Variants in MYOZ3 observed in about 807,000 individuals in gnomAD.
MYOZ3 encodes the protein myozenin-3.
Under a neutral mutation model 26.5 loss-of-function variants are expected in MYOZ3, and 19 were observed. That is an observed-to-expected ratio of 0.72 (90% CI 0.50 to 1.05). The LOEUF is 1.05. Among genes scored for constraint, MYOZ3 ranks in the 50% least tolerant of loss-of-function variants. The pLI, the probability that MYOZ3 is intolerant of heterozygous loss-of-function variation, is 0.00. For synonymous variants in MYOZ3, 135 were observed against 138.8 expected, an observed-to-expected ratio of 0.97 and a Z score of 0.19; for missense variants, 322 against 337.1, an observed-to-expected ratio of 0.96 and a Z score of 0.35.
chr5:150,676,587 G>A (rs910866335), intron 6 of MYOZ3, 120 bp from the exon 7 acceptor site: 116 of 612,040 alleles, frequency 1.9e-4, no homozygotes, highest in Admixed American at 7.7e-4. Context: ...TTGCTGTATA[G>A]AAGGGAAAAC....
At chr5:150,671,304 G>T in intron 3 of MYOZ3, 1 of 476,058 alleles carries the variant, frequency 2.1e-6, no homozygotes, top group Non-Finnish European at 3.8e-6. Context: ...AGACCCCTCT[G>T]AGGAAGAGAT....
chr5:150,664,393 CATT>C (rs967442799), intron 2 of MYOZ3, among the ~76,000 whole-genome samples: 10 of 152,158 alleles, frequency 6.6e-5, no homozygotes, highest in African/African-American at 2.4e-4. Flanking sequence ...GGAGACACAT[CATT>C]GATACAAGAC....
At chr5:150,675,236 G>A (rs2151449767) in intron 6 of MYOZ3, among the ~76,000 whole-genome samples, 1 of 152,284 alleles carries the variant, frequency 6.6e-6, no homozygotes, top group East Asian at 1.9e-4. Context: ...TTGTGTGTGT[G>A]TGGGGGTGTG....
chr5:150,672,147 A>G (rs1758925964), intron 5 of MYOZ3, 193 bp from the exon 6 acceptor site: 1 of 1,036,032 alleles, frequency 9.7e-7, no homozygotes. Flanking sequence ...TCCTCACTGC[A>G]GTCCTCCGTG....
intron 2 of MYOZ3, among the ~76,000 whole-genome samples, chr5:150,668,488 C>T (rs185192287): frequency 1.9e-4 from 29 of 152,272 alleles, no homozygotes; most frequent in Non-Finnish European, 3.1e-4. Flanking sequence ...TCCTCCTCAC[C>T]GCCTCACTGT....
chr5:150,667,243 C>T (rs903438250), intron 2 of MYOZ3, among the ~76,000 whole-genome samples: 2 of 152,174 alleles, frequency 1.3e-5, no homozygotes, highest in Admixed American at 6.6e-5. Context: ...CTAGTTCATT[C>T]ACTATCTCAT....
chr5:150,672,720 T>C (rs1015401407), intron 6 of MYOZ3: 2 of 549,590 alleles, frequency 3.6e-6, no homozygotes, highest in Non-Finnish European at 6.3e-6. Context: ...GCCGCACATC[T>C]TGGATATTCT....
intron 2 of MYOZ3, among the ~76,000 whole-genome samples, chr5:150,668,676 G>A (rs1758845284): frequency 6.6e-6 from 1 of 152,228 alleles, no homozygotes; most frequent in Non-Finnish European, 1.5e-5. Flanking sequence ...GCTCTCACCT[G>A]CCAAGGTCCT....
At chr5:150,662,794 TC>T in intron 1 of MYOZ3, 146 bp from the exon 2 acceptor site, 1 of 684,392 alleles carries the variant, frequency 1.5e-6, no homozygotes, top group Non-Finnish European at 2.5e-6. Context: ...GACCCTGAAG[TC>T]CCTTCCAGCT....
In MYOZ3 at chr5:150,676,997, C is replaced by A; in HGVS notation, c.*122C>A. Reference sequence around the variant, plus strand: ...ACACACAAAACCTGATTGCAAATGGCTTCAGAGGTCACCAAGTTCAGTCGT... The same window carrying A: ...ACACACAAAACCTGATTGCAAATGGATTCAGAGGTCACCAAGTTCAGTCGT... On this transcript the variant is annotated 3_prime_UTR_variant, in exon 7 of 7. Transcript: ENST00000517768. 1.0e-6 allele frequency: 1 copy of A among 963,372 alleles called. No homozygotes were observed. The highest frequency in any genetic ancestry group is 1.5e-6 in the Non-Finnish European group (1 of 655,176). The allele number at this position is 963,372 out of a possible 1,614,324, so 59.7% of individuals were successfully genotyped here.
At chr5:150,661,599 G>T (rs969419540) in intron 1 of MYOZ3, among the ~76,000 whole-genome samples, 172 bp downstream of exon 1, 1 of 152,144 alleles carries the variant, frequency 6.6e-6, no homozygotes, top group South Asian at 2.1e-4. Flanking sequence ...CTAAGCTCTA[G>T]GTTACCCTGC....
rs772178171 is a variant in MYOZ3, at chr5:150,672,451, G to C, written c.536G>C (p.Ser179Thr). ...QEFVSYRDYQSDGRSHTPSPN... is the reference protein window; with the variant it reads ...QEFVSYRDYQTDGRSHTPSPN... The stretch of plus-strand genomic sequence containing the variant: ...TTCGTCAGCTACCGGGACTACCAGA[G>C]CGATGGCCGAAGTCACACCCCCAGC... The change falls in exon 6 of 7, where the codon AGC (serine) becomes ACC (threonine). Residue 179 changes from serine (S) to threonine (T), a missense_variant. By Grantham distance (58) the Ser-to-Thr change is moderately conservative. Coordinates refer to ENST00000517768, the MANE Select transcript of MYOZ3 (RefSeq NM_001122853.3). The C allele has an allele frequency of 1.2e-6, 2 of 1,608,928 alleles. No homozygotes were observed. Among genetic ancestry groups the C allele is most frequent in the Non-Finnish European group, 1.7e-6 (2 of 1,177,276 alleles).
chr5:150,672,031 C>G, intron 5 of MYOZ3, 123 bp downstream of exon 5: 3 of 1,344,306 alleles, frequency 2.2e-6, no homozygotes, highest in Non-Finnish European at 3.0e-6. Flanking sequence ...CACACGCGCA[C>G]GCGCGCACTC....
Position 150,672,522 on chromosome 5 carries a change from C to T in MYOZ3, c.587+20C>T. On this transcript the variant is annotated intron_variant, in intron 6 of 6. Coordinates refer to ENST00000517768, the MANE Select transcript of MYOZ3 (RefSeq NM_001122853.3). ...CAACAAGTAAGGCGGGGCGGGCAGC[C>T]CGGGGGACAGACCGGGAGGGGCGGG... 6.5e-7 allele frequency: 1 copy of T among 1,544,418 alleles called. No homozygotes were observed. The highest frequency in any genetic ancestry group is 8.7e-7 in the Non-Finnish European group (1 of 1,146,512).
At chr5:150,666,459 C>CA (rs1758810294) in intron 2 of MYOZ3, among the ~76,000 whole-genome samples, 1 of 151,536 alleles carries the variant, frequency 6.6e-6, no homozygotes, top group Non-Finnish European at 1.5e-5. Context: ...GCTAAAAATA[C>CA]AAAAATTAGC....
Position 150,676,810 on chromosome 5 carries a change from A to G in MYOZ3, c.691A>G (p.Arg231Gly). 1.2e-6 allele frequency: 2 copies of G among 1,613,954 alleles called. No individual in the cohort carries two copies. The highest frequency in any genetic ancestry group is 2.7e-5 in the African/African-American group (2 of 74,984). The change falls in exon 7 of 7, where the codon AGA (arginine) becomes GGA (glycine). Residue 231 changes from arginine to glycine, a missense_variant. By Grantham distance (125) the Arg-to-Gly change is moderately radical. Transcript: ENST00000517768. ...PLSGLELLRL[R>G]PSFNRVAQGW... ...CAGTGGCTTGGAACTCCTCCGTCTC[A>G]GACCCAGCTTCAACAGAGTGGCCCA...
chr5:150,666,086 T>G (rs923014314), intron 2 of MYOZ3, among the ~76,000 whole-genome samples: 3 of 151,690 alleles, frequency 2.0e-5, no homozygotes, highest in African/African-American at 7.3e-5. Context: ...CTGTATAGTA[T>G]TTCAGAATAT....
At chr5:150,662,371 C>T (rs968166632) in intron 1 of MYOZ3, among the ~76,000 whole-genome samples, 1 of 152,088 alleles carries the variant, frequency 6.6e-6, no homozygotes. Flanking sequence ...AGCCCAGTAG[C>T]GGGGAGATGG....
At chr5:150,662,616 C>T (rs1018894451) in intron 1 of MYOZ3, among the ~76,000 whole-genome samples, 12 of 152,188 alleles carry the variant, frequency 7.9e-5, no homozygotes, top group African/African-American at 2.4e-4. Context: ...CTGCCCCACC[C>T]GGATGCCCCT....
Sources: gnomAD v4.1 joint callset for allele counts (sites outside exome capture counted in the v4.1 genomes callset) on GRCh38, gnomAD v4.1.1 for gene constraint, MANE v1.5 for transcripts, NCBI Gene and HGNC (gene_info 2026-07-23, HGNC 2026-07-21) for gene names.